ANXA2: variants seen among roughly 807,000 people sequenced by gnomAD.
ANXA2 encodes annexin A2.
ANXA2 carries 28 observed loss-of-function variants against 47.3 expected under a neutral mutation model. That is an observed-to-expected ratio of 0.59 (90% CI 0.44 to 0.81). ANXA2 has a LOEUF of 0.81. ANXA2 is among the 40% of genes least tolerant of loss of function. ANXA2 has a pLI of 0.00. For synonymous variants in ANXA2, 172 were observed against 155.5 expected (o/e 1.11, Z -0.79); for missense variants, 384 against 414.3 (o/e 0.93, Z 0.64).
At chr15:60,395,390 A>G (rs2063068645) in intron 1 of ANXA2, among the ~76,000 whole-genome samples, 1 of 152,162 alleles carries the variant, frequency 6.6e-6, no homozygotes, top group Non-Finnish European at 1.5e-5. Flanking sequence ...AGCCCACTAG[A>G]GCCTGAGACT....
chr15:60,374,968 C>T (rs949067759), intron 3 of ANXA2, among the ~76,000 whole-genome samples: 2 of 152,190 alleles, frequency 1.3e-5, no homozygotes, highest in East Asian at 1.9e-4. Flanking sequence ...TGCAGCCCTC[C>T]GTTAGAGGAG....
chr15:60,354,232 G>T lies in ANXA2; in HGVS notation c.529-19C>A. ...TTCTACCCTATGGGGGAAAGAAAAA[G>T]AACTTCAAATACATTTCTTTGTGTA... On this transcript the variant is annotated intron_variant, in intron 7 of 12. Transcript: ENST00000451270. The T allele has an allele frequency of 1.9e-6, 3 of 1,590,970 alleles. No homozygotes were observed. The highest frequency in any genetic ancestry group is 2.2e-5 in the South Asian group (2 of 89,522).
At chr15:60,383,825 G>A (rs902474491) in intron 2 of ANXA2, 1 of 151,996 alleles carries the variant, frequency 6.6e-6, no homozygotes, top group Non-Finnish European at 1.5e-5. Flanking sequence ...CCACCCACAG[G>A]CATCACATTA....
intron 3 of ANXA2, among the ~76,000 whole-genome samples, chr15:60,368,936 G>A (rs971519476): frequency 5.3e-5 from 8 of 152,126 alleles, no homozygotes; most frequent in Admixed American, 1.3e-4. Flanking sequence ...CGTAAGACAA[G>A]CTATGTTATT....
intron 3 of ANXA2, chr15:60,374,599 T>C (rs981099293): frequency 2.2e-6 from 1 of 455,912 alleles, no homozygotes; most frequent in Admixed American, 2.3e-5. Context: ...GAGAGGCAGG[T>C]GATGAAAGCT....
rs962742556 is a variant in ANXA2, at chr15:60,357,357, C to T, written c.358-121G>A. The T allele has an allele frequency of 5.3e-5, 39 of 729,840 alleles. No individual in the cohort carries two copies. The African/African-American group carries it at 5.7e-4, about 11-fold the overall frequency. The allele number at this position is 729,840 out of a possible 1,614,324, so 45.2% of individuals were successfully genotyped here. On this transcript the variant is annotated intron_variant, in intron 5 of 12. Coordinates refer to ENST00000451270, the MANE Select transcript of ANXA2 (RefSeq NM_004039.3). ...GGGTCTGTTAGCATCCTGCTTTCTACATTCCTTCTGAAGAATCTATACTCC... is the reference window on the plus strand; with the variant it reads ...GGGTCTGTTAGCATCCTGCTTTCTATATTCCTTCTGAAGAATCTATACTCC...
At chr15:60,354,544 C>T (rs1200047470) in intron 7 of ANXA2, among the ~76,000 whole-genome samples, 6 of 147,020 alleles carry the variant, frequency 4.1e-5, no homozygotes, top group Non-Finnish European at 1.5e-5. Context: ...GCAGGAGAAT[C>T]GCTTGAACCA....
chr15:60,347,657 C>T lies in ANXA2; in HGVS notation c.993G>A (p.Leu331=), dbSNP rs1479493240. 6.2e-7 allele frequency: 1 copy of T among 1,614,208 alleles called. No homozygotes were observed. The highest frequency in any genetic ancestry group is 8.5e-7 in the Non-Finnish European group (1 of 1,180,046). ...QDTKGDYQKA[L]LYLCGGDD ...AGTCATCTCCACCACACAGGTACAG[C>T]AGCGCTTTCTGGTAGTCGCCCTTAG... is the stretch of plus-strand genomic sequence containing the variant. The change falls in exon 13 of 13, where the codon CTG becomes CTA. Residue 331 remains leucine (L), a synonymous_variant. Coordinates refer to ENST00000451270, the MANE Select transcript of ANXA2 (RefSeq NM_004039.3).
In ANXA2 at chr15:60,382,439, G is replaced by A; in HGVS notation, c.51C>T (p.His17=). The change falls in exon 3 of 13, where the codon CAC becomes CAT. Residue 17 remains histidine, a splice_region_variant and synonymous_variant. Coordinates refer to ENST00000451270, the MANE Select transcript of ANXA2 (RefSeq NM_004039.3). ...ACCCATATGCACTTGGGGGTGTAGA[G>A]TGCTGAGGTTAAAAGATAAACATAC... ...ILCKLSLEGD[H]STPPSAYGSV... The A allele has an allele frequency of 6.2e-7, 1 of 1,608,502 alleles. No homozygotes were observed. The highest frequency in any genetic ancestry group is 1.7e-4 in the Middle Eastern group (1 of 6,052).
chr15:60,347,875 G>T (rs1187326565), intron 12 of ANXA2, among the ~76,000 whole-genome samples, 186 bp from the exon 13 acceptor site: 1 of 152,230 alleles, frequency 6.6e-6, no homozygotes, highest in Admixed American at 6.5e-5. Context: ...GAAGCCTCCA[G>T]GAGTGTGGTC....
At chr15:60,396,430 A>C (rs1188445208) in intron 1 of ANXA2, 1 of 152,012 alleles carries the variant, frequency 6.6e-6, no homozygotes. Flanking sequence ...GAGCGTCTCT[A>C]AGGAGGTGGA....
chr15:60,377,786 T>G (rs1183295434), intron 3 of ANXA2, among the ~76,000 whole-genome samples: 1 of 152,088 alleles, frequency 6.6e-6, no homozygotes, highest in Non-Finnish European at 1.5e-5. Flanking sequence ...TTTTTTCTTT[T>G]TTGATTAAAA....
chr15:60,393,670 A>T (rs2063043914), intron 1 of ANXA2: 17 of 985,308 alleles, frequency 1.7e-5, no homozygotes, highest in Non-Finnish European at 2.0e-5. Context: ...GGATACAGGA[A>T]ATCATAAATG....
intron 4 of ANXA2, among the ~76,000 whole-genome samples, chr15:60,364,102 C>CT (rs1466994823): frequency 1.3e-5 from 2 of 152,238 alleles, no homozygotes; most frequent in Non-Finnish European, 2.9e-5. Flanking sequence ...GCGTGACCAT[C>CT]TGCGCTCTGC....
intron 3 of ANXA2, among the ~76,000 whole-genome samples, chr15:60,378,031 G>A (rs2062805432): frequency 6.6e-6 from 1 of 152,142 alleles, no homozygotes; most frequent in Non-Finnish European, 1.5e-5. Flanking sequence ...TCTGCCAGGA[G>A]GCAGAGGTTG....
Position 60,351,200 on chromosome 15 carries a change from G to T in ANXA2, c.830C>A (p.Ser277Tyr). Residue 277 changes from serine to tyrosine, a missense_variant, in exon 11 of 13, where the codon TCC (serine) becomes TAC (tyrosine). Coordinates refer to ENST00000451270, the MANE Select transcript of ANXA2 (RefSeq NM_004039.3). ...TCAGCCAGCTGCCCTTACCTTCATGGAGTCATACAGCCGATCAGCAAAATA... is the reference window on the plus strand; with the variant it reads ...TCAGCCAGCTGCCCTTACCTTCATGTAGTCATACAGCCGATCAGCAAAATA... ...PLYFADRLYD[S>Y]MKGKGTRDKV... is the part of the protein sequence containing the mutation. 1 of 1,614,148 alleles carries T rather than the reference G, an allele frequency of 6.2e-7. No homozygotes were observed. The highest frequency in any genetic ancestry group is 8.5e-7 in the Non-Finnish European group (1 of 1,179,996).
At chr15:60,387,632 G>A (rs2062950750) in intron 1 of ANXA2, among the ~76,000 whole-genome samples, 1 of 152,192 alleles carries the variant, frequency 6.6e-6, no homozygotes, top group Non-Finnish European at 1.5e-5. Flanking sequence ...ATTCAGGGGA[G>A]GGGATTATTA....
intron 1 of ANXA2, chr15:60,393,565 G>A: frequency 1.0e-6 from 1 of 985,296 alleles, no homozygotes; most frequent in Non-Finnish European, 1.2e-6. Flanking sequence ...GAGTTAACTG[G>A]ACTGTTAACT....
rs765725955 is a variant in ANXA2, at chr15:60,367,432, TGG to T, written c.149-2911_149-2910del. 5.5e-3 allele frequency among the ~76,000 whole-genome samples: 21 copies of T among 3,806 alleles called. 1 individual carries two copies. Among genetic ancestry groups the T allele is most frequent in the Admixed American group, 0.016 (5 of 306 alleles). The allele number at this position is 3,806 out of a possible 152,430, so 2.5% of individuals were successfully genotyped here. A position where few individuals can be genotyped will look rare whatever the true frequency, so the allele number is the denominator to read the frequency against. Reference sequence around the variant, plus strand: ...CCAGCCGCCCCGTCCGGGAGGGAGGTGGGGGGGGGGGTCAGCCCCCCTTCCGG... The same window carrying T: ...CCAGCCGCCCCGTCCGGGAGGGAGGTGGGGGGGGGTCAGCCCCCCTTCCGG... On this transcript the variant is annotated intron_variant, in intron 3 of 12. Coordinates refer to ENST00000451270, the MANE Select transcript of ANXA2 (RefSeq NM_004039.3).
Sources: gnomAD v4.1 joint callset for allele counts (sites outside exome capture counted in the v4.1 genomes callset) on GRCh38, gnomAD v4.1.1 for gene constraint, MANE v1.5 for transcripts, NCBI Gene and HGNC (gene_info 2026-07-23, HGNC 2026-07-21) for gene names.